Variants in AGAP1 observed in about 807,000 individuals in gnomAD.
AGAP1 encodes ArfGAP with GTPase domain, ankyrin repeat and PH domain 1, also known as arf-GAP with GTPase, ANK repeat and PH domain-containing protein 1.
Under a neutral mutation model 105.3 loss-of-function variants are expected in AGAP1, and 29 were observed. That is an observed-to-expected ratio of 0.28 (90% CI 0.21 to 0.38). The LOEUF (loss-of-function observed/expected upper bound fraction) is 0.38. AGAP1 is among the 10% of genes least tolerant of loss of function. The pLI is 1.00. For missense variants in AGAP1, 998 were observed against 1,165.1 expected (o/e 0.86, Z 2.09); for synonymous variants, 509 against 485.9 (o/e 1.05, Z -0.63).
intron 1 of AGAP1, among the ~76,000 whole-genome samples, chr2:235,590,680 T>TGTGTGTGTGCGTGTGC (rs1553574141): frequency 8.6e-6 from 1 of 116,504 alleles, no homozygotes; most frequent in African/African-American, 3.5e-5. Flanking sequence ...TGTGTGTGTG[T>TGTGTGTGTGCGTGTGC]GTGTGCGTGT....
intron 1 of AGAP1, among the ~76,000 whole-genome samples, chr2:235,685,466 T>C (rs1442145090): frequency 6.6e-6 from 1 of 151,192 alleles, no homozygotes; most frequent in African/African-American, 2.4e-5. Flanking sequence ...CCTTTTCTGC[T>C]TGCTTTCTGG....
chr2:236,081,745 A>C (rs1324505452), intron 16 of AGAP1, among the ~76,000 whole-genome samples: 1 of 151,432 alleles, frequency 6.6e-6, no homozygotes, highest in Non-Finnish European at 1.5e-5. Flanking sequence ...ATTGCTAATG[A>C]AACCATATTT....
At position 235,717,982 on chromosome 2, in the gene AGAP1, G is replaced by T. The variant is rs951125863; in HGVS notation, c.310+338G>T. Among the ~76,000 whole-genome samples the T allele has an allele frequency of 2.6e-5, 4 of 152,076 alleles. No individual in the cohort carries two copies. In the South Asian group the frequency reaches 8.3e-4, roughly 32 times the overall value. On this transcript the variant is annotated intron_variant, in intron 3 of 17. Transcript: ENST00000304032. The stretch of plus-strand genomic sequence containing the variant: ...ATTGACTGGACATTCCTGTGATCTG[G>T]ATATTGAATTTATACATAATTTGTA...
At chr2:235,718,379 A>G in intron 3 of AGAP1, 2 of 985,682 alleles carry the variant, frequency 2.0e-6, no homozygotes, top group Non-Finnish European at 2.4e-6. Context: ...CATTCTTTGC[A>G]GATATGGATG....
At chr2:235,543,896 G>A (rs1424333691) in intron 1 of AGAP1, among the ~76,000 whole-genome samples, 2 of 152,128 alleles carry the variant, frequency 1.3e-5, no homozygotes, top group Admixed American at 6.5e-5. Flanking sequence ...AGGGAATCAC[G>A]GGATGGTTCC....
chr2:235,579,762 C>A (rs6750706), intron 1 of AGAP1, among the ~76,000 whole-genome samples: 1 of 149,978 alleles, frequency 6.7e-6, no homozygotes, highest in Non-Finnish European at 1.5e-5. Context: ...GGCAACAGAG[C>A]GAGACTCCAT....
rs1279600972 is a variant in AGAP1, at chr2:235,995,386, C to T, written c.1645+26763C>T. Among the ~76,000 whole-genome samples, 6 of 151,916 alleles carry T rather than the reference C, an allele frequency of 3.9e-5. No homozygotes were observed. In the East Asian group the frequency reaches 9.7e-4, roughly 25 times the overall value. Reference sequence around the variant, plus strand: ...AAAATTAGCTAAGCTTGGTGGTGCGCACCTATAATCCTAGCTCCTCGGGAG... The same window carrying T: ...AAAATTAGCTAAGCTTGGTGGTGCGTACCTATAATCCTAGCTCCTCGGGAG... On this transcript the variant is annotated intron_variant, in intron 13 of 17. Transcript: ENST00000304032.
In AGAP1 at chr2:235,964,494, A is replaced by G. The variant is rs183844348; in HGVS notation, c.1484-3968A>G. Among the ~76,000 whole-genome samples the G allele has an allele frequency of 2.1e-3, 313 of 152,232 alleles. No individual in the cohort carries two copies. The highest frequency in any genetic ancestry group is 3.5e-3 in the Non-Finnish European group (240 of 68,028). ...GTAAAGACTTGGGAACCCTGGGCAGAAAATATTTAAAATGAGCAAAAAGAT... is the reference window on the plus strand; with the variant it reads ...GTAAAGACTTGGGAACCCTGGGCAGGAAATATTTAAAATGAGCAAAAAGAT... On this transcript the variant is annotated intron_variant, in intron 12 of 17. Coordinates refer to ENST00000304032, the MANE Select transcript of AGAP1 (RefSeq NM_001037131.3). The surrounding 1 kb of genome is among the most constrained non-coding windows in gnomAD (Gnocchi z 4.6).
intron 1 of AGAP1, among the ~76,000 whole-genome samples, chr2:235,606,019 G>T (rs1449537478): frequency 6.6e-6 from 1 of 152,220 alleles, no homozygotes; most frequent in Non-Finnish European, 1.5e-5. Context: ...CAATAAGTAT[G>T]TGTTTTATAA....
At chr2:235,683,426 T>G (rs1949197123) in intron 1 of AGAP1, among the ~76,000 whole-genome samples, 1 of 151,764 alleles carries the variant, frequency 6.6e-6, no homozygotes, top group African/African-American at 2.4e-5. Flanking sequence ...CATATTGATA[T>G]AATGCCATCT....
chr2:235,705,896 G>C lies in AGAP1; in HGVS notation c.164-3283G>C, dbSNP rs532840236. On this transcript the variant is annotated intron_variant, in intron 1 of 17. Transcript: ENST00000304032. The surrounding 1 kb of genome is among the most constrained non-coding windows in gnomAD (Gnocchi z 4.9). Reference sequence around the variant, plus strand: ...TAATTTATAATGAATATTTTATATTGTTAGAAAGTTAATCTTATGGTGGTA... The same window carrying C: ...TAATTTATAATGAATATTTTATATTCTTAGAAAGTTAATCTTATGGTGGTA... Among the ~76,000 whole-genome samples, 2 of 152,134 alleles carry C rather than the reference G, an allele frequency of 1.3e-5. No homozygotes were observed. Among genetic ancestry groups the C allele is most frequent in the Non-Finnish European group, 2.9e-5 (2 of 68,036 alleles).
At chr2:235,706,350 G>T (rs755333963) in intron 1 of AGAP1, among the ~76,000 whole-genome samples, 1 of 152,004 alleles carries the variant, frequency 6.6e-6, no homozygotes, top group East Asian at 1.9e-4. Flanking sequence ...TCAGGCTCCC[G>T]AGTAACTGGG....
rs912278080 is a variant in AGAP1, at chr2:236,000,485, C to T, written c.1645+31862C>T. Among the ~76,000 whole-genome samples the T allele has an allele frequency of 6.6e-6, 1 of 152,170 alleles. No individual in the cohort carries two copies. The highest frequency in any genetic ancestry group is 1.5e-5 in the Non-Finnish European group (1 of 68,034). On this transcript the variant is annotated intron_variant, in intron 13 of 17. Transcript: ENST00000304032. The surrounding 1 kb of genome is among the most constrained non-coding windows in gnomAD (Gnocchi z 4.3). ...TGGTACTGCGTCCCCCTCCTCCAGT[C>T]CAGTCCCCCACCCTGAGCGTTGATG... is the stretch of plus-strand genomic sequence containing the variant.
At chr2:235,899,955 C>T (rs560279212) in intron 10 of AGAP1, among the ~76,000 whole-genome samples, 133 of 152,298 alleles carry the variant, frequency 8.7e-4, no homozygotes, top group African/African-American at 3.1e-3. Flanking sequence ...ATTCATAATT[C>T]GATTTAGAAT....
At chr2:235,826,990 G>C (rs1959106167) in intron 9 of AGAP1, among the ~76,000 whole-genome samples, 2 of 152,064 alleles carry the variant, frequency 1.3e-5, no homozygotes, top group Admixed American at 1.3e-4. Flanking sequence ...CCGCGTGTTG[G>C]AGAATTCAGT....
intron 8 of AGAP1, among the ~76,000 whole-genome samples, chr2:235,804,243 A>G (rs535790753): frequency 6.6e-6 from 1 of 152,154 alleles, no homozygotes; most frequent in African/African-American, 2.4e-5. Context: ...GAAATTATAC[A>G]TTACATGGCC....
chr2:235,711,611 G>A (rs1413630192), intron 2 of AGAP1, among the ~76,000 whole-genome samples: 1 of 152,144 alleles, frequency 6.6e-6, no homozygotes, highest in Non-Finnish European at 1.5e-5. Context: ...GAGTGTGGAT[G>A]GACGAGATCC....
rs2060026116 is a variant in AGAP1 at position 236,127,833 on chromosome 2, ACCCAG to A, written c.*3713_*3717del. ...GATTCCTCTGCAACTCTAGGCAAGC[ACCCAG>A]CTTCCTGGGCTCTTTTTCCTCATCT... On this transcript the variant is annotated 3_prime_UTR_variant, in exon 18 of 18. Coordinates refer to ENST00000304032, the MANE Select transcript of AGAP1 (RefSeq NM_001037131.3). The surrounding 1 kb of genome is among the most constrained non-coding windows in gnomAD (Gnocchi z 6.6). The A allele has an allele frequency of 6.6e-6, 1 of 152,190 alleles. No individual in the cohort carries two copies. The highest frequency in any genetic ancestry group is 2.4e-5 in the African/African-American group (1 of 41,444). The allele number at this position is 152,190 out of a possible 1,614,324, so 9.4% of individuals were successfully genotyped here.
At chr2:236,011,885 C>G (rs898622571) in intron 13 of AGAP1, among the ~76,000 whole-genome samples, 3 of 152,180 alleles carry the variant, frequency 2.0e-5, no homozygotes, top group Non-Finnish European at 4.4e-5. Context: ...AGCTCGGAGC[C>G]TCCTGGTTCC....
Sources: gnomAD v4.1 joint callset for allele counts (sites outside exome capture counted in the v4.1 genomes callset) on GRCh38, gnomAD v4.1.1 for gene constraint, Gnocchi (gnomAD v3.1) non-coding constraint, MANE v1.5 for transcripts, NCBI Gene and HGNC (gene_info 2026-07-23, HGNC 2026-07-21) for gene names.